The following UNC13B variants were observed in gnomAD, a reference collection of about 807,000 sequenced individuals.
The protein encoded by UNC13B is protein unc-13 homolog B.
A neutral mutation model predicts 211.0 loss-of-function variants in UNC13B; 144 were observed. The observed-to-expected ratio is 0.68, with a 90% CI of 0.60 to 0.78. The LOEUF (loss-of-function observed/expected upper bound fraction) is 0.78, where lower values mean the gene tolerates loss of function less well. Ranked by LOEUF, UNC13B falls within the 30% of genes least tolerant of loss-of-function variation. The pLI, the probability that UNC13B is intolerant of heterozygous loss-of-function variation, is 0.00. For missense variants in UNC13B, 1,777 were observed against 2,002.0 expected (o/e 0.89, Z 2.14); for synonymous variants, 709 against 725.8 (o/e 0.98, Z 0.37).
In UNC13B at chr9:35,404,490, C is replaced by T. The variant is rs1168414205; in HGVS notation, c.*457C>T. 5 of 197,630 alleles carry T rather than the reference C, an allele frequency of 2.5e-5. No homozygotes were observed. The highest frequency in any genetic ancestry group is 1.1e-4 in the South Asian group (1 of 9,296). The allele number at this position is 197,630 out of a possible 1,614,324, so 12.2% of individuals were successfully genotyped here. A position where few individuals can be genotyped will look rare whatever the true frequency, so the allele number is the denominator to read the frequency against. ...TGAGCCTGTTGCTGAGCCCGGTGGT[C>T]TGGATTGGAGTATGGCCAGGGCAGG... is the stretch of plus-strand genomic sequence containing the variant. On this transcript the variant is annotated 3_prime_UTR_variant, in exon 40 of 40. Coordinates refer to ENST00000635942, the MANE Select transcript of UNC13B (RefSeq NM_001371189.2).
At chr9:35,200,770 G>A (rs1823237317) in intron 1 of UNC13B, among the ~76,000 whole-genome samples, 1 of 152,192 alleles carries the variant, frequency 6.6e-6, no homozygotes. Context: ...ATACAATCAT[G>A]TCATTTGCAA....
At chr9:35,356,009 A>G (rs1377086994) in intron 11 of UNC13B, among the ~76,000 whole-genome samples, 1 of 152,196 alleles carries the variant, frequency 6.6e-6, no homozygotes, top group Admixed American at 6.5e-5. Context: ...CATGGTAGGC[A>G]GGTGGTAGTA....
chr9:35,245,242 A>C (rs773644141), intron 6 of UNC13B, among the ~76,000 whole-genome samples: 4 of 152,124 alleles, frequency 2.6e-5, no homozygotes, highest in Admixed American at 6.6e-5. Context: ...TAAAAACCAA[A>C]TATAACTTAT....
chr9:35,196,083 G>T (rs1014531176), intron 1 of UNC13B, among the ~76,000 whole-genome samples: 2 of 144,722 alleles, frequency 1.4e-5, no homozygotes, highest in Non-Finnish European at 3.0e-5. Context: ...AATAAGAAAT[G>T]GTGGTTATTG....
intron 24 of UNC13B, among the ~76,000 whole-genome samples, chr9:35,388,782 C>T (rs1384959916): frequency 6.6e-6 from 1 of 152,170 alleles, no homozygotes; most frequent in African/African-American, 2.4e-5. Flanking sequence ...GGAATTTAAA[C>T]TGTATTGAAC....
chr9:35,272,217 T>G (rs1827925630), intron 7 of UNC13B, among the ~76,000 whole-genome samples: 2 of 151,210 alleles, frequency 1.3e-5, no homozygotes, highest in Admixed American at 6.6e-5. Flanking sequence ...TTTTTGTTTT[T>G]TTTTTTGGTT....
intron 6 of UNC13B, among the ~76,000 whole-genome samples, chr9:35,247,597 A>G (rs1826182305): frequency 1.3e-5 from 2 of 152,204 alleles, no homozygotes; most frequent in African/African-American, 4.8e-5. Context: ...CCTTTTCTGC[A>G]TCTATTGAGA....
At chr9:35,222,042 T>C (rs1334585934) in intron 1 of UNC13B, among the ~76,000 whole-genome samples, 1 of 152,244 alleles carries the variant, frequency 6.6e-6, no homozygotes, top group Non-Finnish European at 1.5e-5. Flanking sequence ...AATACCACAC[T>C]GTCTTGATTC....
intron 1 of UNC13B, among the ~76,000 whole-genome samples, chr9:35,196,684 T>TAGTA (rs1428129435): frequency 6.6e-6 from 1 of 152,244 alleles, no homozygotes; most frequent in Non-Finnish European, 1.5e-5. Context: ...CATATTGTAG[T>TAGTA]AGTAATATGG....
intron 1 of UNC13B, among the ~76,000 whole-genome samples, chr9:35,212,942 A>G (rs1433547453): frequency 6.6e-6 from 1 of 152,154 alleles, no homozygotes; most frequent in Non-Finnish European, 1.5e-5. Context: ...CCAGACCTTG[A>G]GCTGTGGGAC....
chr9:35,383,364 A>G (rs1038185477), intron 21 of UNC13B, among the ~76,000 whole-genome samples: 2 of 152,176 alleles, frequency 1.3e-5, no homozygotes, highest in African/African-American at 4.8e-5. Flanking sequence ...AATAATTCTG[A>G]CCCAACACAA....
chr9:35,191,231 C>T (rs1055269294), intron 1 of UNC13B, among the ~76,000 whole-genome samples: 5 of 152,140 alleles, frequency 3.3e-5, no homozygotes, highest in Non-Finnish European at 2.9e-5. Context: ...GGATTACAAG[C>T]GTGAGCCACC....
At chr9:35,182,423 ATTTT>A (rs955768895) in intron 1 of UNC13B, among the ~76,000 whole-genome samples, 1 of 151,084 alleles carries the variant, frequency 6.6e-6, no homozygotes, top group South Asian at 2.1e-4. Flanking sequence ...ATTAAAATTT[ATTTT>A]TTTAACACAA....
intron 18 of UNC13B, 94 bp from the exon 19 acceptor site, chr9:35,381,006 T>C (rs938571064): frequency 4.8e-6 from 6 of 1,237,324 alleles, no homozygotes; most frequent in Admixed American, 2.5e-5. Context: ...TTTCCTTGGG[T>C]TGGCCCCTTC....
chr9:35,219,909 C>G (rs1405318349), intron 1 of UNC13B, among the ~76,000 whole-genome samples: 1 of 152,016 alleles, frequency 6.6e-6, no homozygotes, highest in East Asian at 1.9e-4. Flanking sequence ...GTCTATTTGT[C>G]TATCATGCAG....
At chr9:35,336,816 T>C (rs1415278323) in intron 11 of UNC13B, among the ~76,000 whole-genome samples, 2 of 152,238 alleles carry the variant, frequency 1.3e-5, no homozygotes, top group Non-Finnish European at 2.9e-5. Context: ...GTTCAGGCAA[T>C]TCAACCCATT....
At chr9:35,192,194 C>T (rs962668901) in intron 1 of UNC13B, among the ~76,000 whole-genome samples, 4 of 152,100 alleles carry the variant, frequency 2.6e-5, no homozygotes, top group African/African-American at 9.7e-5. Flanking sequence ...ATTATAAAAG[C>T]ATATAGGAGC....
intron 11 of UNC13B, among the ~76,000 whole-genome samples, chr9:35,321,723 A>G (rs1830746103): frequency 6.6e-6 from 1 of 151,688 alleles, no homozygotes; most frequent in Non-Finnish European, 1.5e-5. Context: ...CTGGTCTTGA[A>G]CTCTTAGCCT....
intron 4 of UNC13B, among the ~76,000 whole-genome samples, chr9:35,237,357 T>C (rs1447697451): frequency 6.6e-6 from 1 of 152,180 alleles, no homozygotes; most frequent in African/African-American, 2.4e-5. Context: ...TAGCCAGCAA[T>C]GTTAGTAGCT....
Sources: allele counts gnomAD v4.1 joint callset (sites outside exome capture counted in the v4.1 genomes callset), GRCh38; gene constraint gnomAD v4.1.1; transcripts MANE v1.5; gene names NCBI Gene and HGNC (gene_info 2026-07-23, HGNC 2026-07-21).